Variants in ZNF780B observed in about 807,000 individuals in gnomAD.
ZNF780B encodes zinc finger protein 779.
A neutral mutation model predicts 74.1 loss-of-function variants in ZNF780B; 52 were observed. The observed-to-expected ratio is 0.70, with a 90% CI of 0.56 to 0.88. The LOEUF (loss-of-function observed/expected upper bound fraction) is 0.88. Among genes scored for constraint, ZNF780B ranks in the 40% least tolerant of loss-of-function variants. ZNF780B has a pLI of 0.00. For missense variants in ZNF780B, 953 were observed against 1,007.6 expected, an observed-to-expected ratio of 0.95 and a Z score of 0.73; for synonymous variants, 315 against 324.3, an observed-to-expected ratio of 0.97 and a Z score of 0.31.
intron 4 of ZNF780B, among the ~76,000 whole-genome samples, chr19:40,044,329 T>A (rs1385835697): frequency 1.3e-5 from 2 of 152,204 alleles, no homozygotes; most frequent in Non-Finnish European, 2.9e-5. Flanking sequence ...CTCCATGGCA[T>A]ATTATGGTCA....
rs759998746 is a variant in ZNF780B at position 40,036,528 on chromosome 19, G to A, written c.331C>T (p.Leu111Phe). The change falls in exon 5 of 5, where the codon CTT becomes TTT. Residue 111 changes from leucine (L) to phenylalanine (F), a missense_variant. By Grantham distance (22) the Leu-to-Phe change is conservative. Transcript: ENST00000434248. ...CTAAAATAAAAGGCCTCGAGGCCAA[G>A]TGTTTTACTTATTTGCTTTATAACA... ...KHVIKQISKT[L>F]GLEAFYFRND... The A allele has an allele frequency of 3.1e-6, 5 of 1,602,158 alleles. No individual in the cohort carries two copies. Among genetic ancestry groups the A allele is most frequent in the Non-Finnish European group, 4.3e-6 (5 of 1,175,388 alleles).
At chr19:40,052,541 T>G (rs903360032) in intron 1 of ZNF780B, among the ~76,000 whole-genome samples, 1 of 151,902 alleles carries the variant, frequency 6.6e-6, no homozygotes, top group Non-Finnish European at 1.5e-5. Flanking sequence ...GAACTCAGAT[T>G]AAGAATTTCA....
rs1159342799 is a variant in ZNF780B at position 40,034,906 on chromosome 19, A to G, written c.1953T>C (p.Asn651=). 1.2e-6 allele frequency: 2 copies of G among 1,613,946 alleles called. No individual in the cohort carries two copies. Among genetic ancestry groups the G allele is most frequent in the Admixed American group, 3.3e-5 (2 of 59,996 alleles). Residue 651 remains asparagine, a synonymous_variant, in exon 5 of 5, where the codon AAT becomes AAC. Transcript: ENST00000434248. ...FKCKECGKSF[N]RVSNLVQHQS... ...GATGTTGAACAAGGTTTGAGACACG[A>G]TTAAAGGACTTCCCACATTCTTTAC...
intron 4 of ZNF780B, among the ~76,000 whole-genome samples, chr19:40,044,705 A>G (rs985724722): frequency 6.6e-6 from 1 of 152,234 alleles, no homozygotes; most frequent in East Asian, 1.9e-4. Context: ...CAGCAAACAT[A>G]CAAATAAGGA....
At chr19:40,039,840 A>G (rs1357435730) in intron 4 of ZNF780B, among the ~76,000 whole-genome samples, 1 of 151,900 alleles carries the variant, frequency 6.6e-6, no homozygotes, top group South Asian at 2.1e-4. Context: ...TAGATATACA[A>G]TCATGTCATC....
intron 1 of ZNF780B, among the ~76,000 whole-genome samples, chr19:40,055,785 T>A (rs546959348): frequency 6.6e-6 from 1 of 152,178 alleles, no homozygotes; most frequent in South Asian, 2.1e-4. Context: ...CGGTTCAATA[T>A]CTAACCTCCC....
At chr19:40,048,916 A>C in intron 2 of ZNF780B, 120 bp from the exon 3 acceptor site, 1 of 1,461,032 alleles carries the variant, frequency 6.8e-7, no homozygotes, top group African/African-American at 1.4e-5. Context: ...CAGAGTGCCT[A>C]CACATTCTTC....
rs532545180 is a variant in ZNF780B, at chr19:40,029,101, T to C, written c.*5256A>G. 6.6e-6 allele frequency: 1 copy of C among 152,334 alleles called. No individual in the cohort carries two copies. The highest frequency in any genetic ancestry group is 1.9e-4 in the East Asian group (1 of 5,190). The allele number at this position is 152,334 out of a possible 1,614,324, so 9.4% of individuals were successfully genotyped here. A position where few individuals can be genotyped will look rare whatever the true frequency, so the allele number is the denominator to read the frequency against. ...TGGAGATGGTTTCATTTTGATCAAT[T>C]ACAAATGAAGACAGTGAATCCCTGA... On this transcript the variant is annotated 3_prime_UTR_variant, in exon 5 of 5. Coordinates refer to ENST00000434248, the MANE Select transcript of ZNF780B (RefSeq NM_001005851.3).
chr19:40,046,097 G>A (rs888728503), intron 4 of ZNF780B, among the ~76,000 whole-genome samples: 4 of 152,290 alleles, frequency 2.6e-5, no homozygotes, highest in African/African-American at 9.6e-5. Context: ...TGGGAAGGGT[G>A]TGTGGGTGAG....
chr19:40,045,596 T>C lies in ZNF780B; in HGVS notation c.232+1779A>G, dbSNP rs957518465. On this transcript the variant is annotated intron_variant, in intron 4 of 4. Coordinates refer to ENST00000434248, the MANE Select transcript of ZNF780B (RefSeq NM_001005851.3). ...AAGTGTCCCCCAACAGACAAACAGA[T>C]AAAGAAAATGTGATATATACACATG... Among the ~76,000 whole-genome samples, 4 of 152,110 alleles carry C rather than the reference T, an allele frequency of 2.6e-5. No individual in the cohort carries two copies. The Middle Eastern group carries it at 0.01, about 388-fold the overall frequency.
At chr19:40,048,931 A>G in intron 2 of ZNF780B, 135 bp from the exon 3 acceptor site, 1 of 1,375,476 alleles carries the variant, frequency 7.3e-7, no homozygotes, top group South Asian at 1.4e-5. Context: ...TTCTTCAAGA[A>G]TCCTGCTGCT....
chr19:40,050,228 G>A, intron 2 of ZNF780B, 96 bp downstream of exon 2: 2 of 831,626 alleles, frequency 2.4e-6, no homozygotes, highest in East Asian at 2.9e-5. Flanking sequence ...AAAAAATCGT[G>A]GATCCTTACG....
At chr19:40,048,863 A>G in intron 2 of ZNF780B, 67 bp from the exon 3 acceptor site, 1 of 1,604,696 alleles carries the variant, frequency 6.2e-7, no homozygotes, top group Non-Finnish European at 8.5e-7. Context: ...AAGGAGAGGA[A>G]GTGAAGGATT....
At position 40,035,071 on chromosome 19, in the gene ZNF780B, A is replaced by C. The variant is rs753522173; in HGVS notation, c.1788T>G (p.Leu596=). ...ECKECGKAFR[L]HMHLIRHQKF... is the part of the protein sequence containing the mutation. ...TCTGATGTCGAATAAGGTGCATATGAAGTCGAAAGGCTTTCCCACATTCCT... is the reference window on the plus strand; with the variant it reads ...TCTGATGTCGAATAAGGTGCATATGCAGTCGAAAGGCTTTCCCACATTCCT... Residue 596 remains leucine (L), a synonymous_variant, in exon 5 of 5, where the codon CTT becomes CTG. Transcript: ENST00000434248. 2.5e-6 allele frequency: 4 copies of C among 1,614,146 alleles called. No homozygotes were observed. The South Asian group carries it at 3.3e-5, about 13-fold the overall frequency.
intron 2 of ZNF780B, among the ~76,000 whole-genome samples, chr19:40,049,610 G>T (rs1445758379): frequency 6.6e-6 from 1 of 152,126 alleles, no homozygotes; most frequent in Non-Finnish European, 1.5e-5. Flanking sequence ...TTCTACCTCA[G>T]CTACCTAGAA....
intron 4 of ZNF780B, among the ~76,000 whole-genome samples, chr19:40,045,466 T>C (rs1972891669): frequency 6.6e-6 from 1 of 152,206 alleles, no homozygotes. Context: ...ATCCCACTAC[T>C]GGGTATTAAT....
intron 1 of ZNF780B, 129 bp from the exon 2 acceptor site, chr19:40,050,506 C>G: frequency 1.1e-6 from 1 of 917,462 alleles, no homozygotes; most frequent in East Asian, 2.7e-5. Flanking sequence ...CCACCCTTCT[C>G]CCGTCACTCC....
At chr19:40,051,235 T>C (rs234330) in intron 1 of ZNF780B, among the ~76,000 whole-genome samples, 2,942 of 133,570 alleles carry the variant, frequency 0.022, 89 homozygotes, top group African/African-American at 0.1. Flanking sequence ...CACACACACA[T>C]ATATACACAC....
Position 40,034,586 on chromosome 19 carries a change from C to CA in ZNF780B, c.2272dup (p.Cys758LeufsTer6). 1 of 1,614,020 alleles carries CA rather than the reference C, an allele frequency of 6.2e-7. No homozygotes were observed. Among genetic ancestry groups the CA allele is most frequent in the Non-Finnish European group, 8.5e-7 (1 of 1,179,994 alleles). ...TGAGCCACGATTAAAGGCCTTCCCACACTCCTTACATTTAAATGGCTTCTC... is the reference window on the plus strand; with the variant it reads ...TGAGCCACGATTAAAGGCCTTCCCACAACTCCTTACATTTAAATGGCTTCTC... On this transcript the variant is annotated frameshift_variant, in exon 5 of 5. Coordinates refer to ENST00000434248, the MANE Select transcript of ZNF780B (RefSeq NM_001005851.3). LOFTEE classifies it high-confidence loss of function.
Sources: allele counts gnomAD v4.1 joint callset (sites outside exome capture counted in the v4.1 genomes callset), GRCh38; gene constraint gnomAD v4.1.1; transcripts MANE v1.5; gene names NCBI Gene and HGNC (gene_info 2026-07-23, HGNC 2026-07-21).